Variants in ENOX1 observed in about 807,000 individuals in gnomAD.
ENOX1 encodes the protein candidate growth-related and time keeping constitutive hydroquinone (NADH) oxidase.
A neutral mutation model predicts 82.5 loss-of-function variants in ENOX1; 42 were observed. The ratio of observed to expected loss-of-function variants is 0.51; its 90% confidence interval spans 0.40 to 0.66. The LOEUF is 0.66. Among genes scored for constraint, ENOX1 ranks in the 30% least tolerant of loss-of-function variants. The pLI is 0.00. For synonymous variants in ENOX1, 271 were observed against 282.2 expected (o/e 0.96, Z 0.40); for missense variants, 608 against 811.6 (o/e 0.75, Z 3.05).
chr13:43,520,730 A>G (rs1468507577), intron 2 of ENOX1, among the ~76,000 whole-genome samples: 1 of 152,162 alleles, frequency 6.6e-6, no homozygotes, highest in Non-Finnish European at 1.5e-5. Flanking sequence ...AGAAGACATA[A>G]TTTAAGCACT....
intron 11 of ENOX1, among the ~76,000 whole-genome samples, chr13:43,306,954 T>C (rs1180184360): frequency 6.6e-6 from 1 of 152,272 alleles, no homozygotes; most frequent in Non-Finnish European, 1.5e-5. Context: ...CTCAGTTCTA[T>C]GCATTGCTCT....
intron 9 of ENOX1, among the ~76,000 whole-genome samples, chr13:43,331,675 A>C (rs1431232816): frequency 6.6e-6 from 1 of 152,210 alleles, no homozygotes; most frequent in Non-Finnish European, 1.5e-5. Flanking sequence ...AAGGCTTTAG[A>C]TGTAGTGCTG....
At chr13:43,370,730 A>G (rs2051180954) in intron 5 of ENOX1, among the ~76,000 whole-genome samples, 1 of 152,182 alleles carries the variant, frequency 6.6e-6, no homozygotes, top group Non-Finnish European at 1.5e-5. Context: ...CTCTATAGGT[A>G]ACCACATCTA....
At chr13:43,421,788 AG>A (rs2054991013) in intron 3 of ENOX1, among the ~76,000 whole-genome samples, 1 of 151,830 alleles carries the variant, frequency 6.6e-6, no homozygotes, top group Non-Finnish European at 1.5e-5. Context: ...CATACCCTGC[AG>A]CTAGCAAGCA....
intron 2 of ENOX1, among the ~76,000 whole-genome samples, chr13:43,640,056 T>C (rs146314048): frequency 2.2e-4 from 33 of 152,250 alleles, no homozygotes; most frequent in African/African-American, 7.0e-4. Flanking sequence ...TATTTACCTA[T>C]TGTTCTCTTG....
chr13:43,548,079 A>T (rs902235568), intron 2 of ENOX1: 2 of 152,206 alleles, frequency 1.3e-5, no homozygotes, highest in African/African-American at 4.8e-5. Context: ...TCTTCTTTTG[A>T]GTGTTAGTGA....
intron 10 of ENOX1, among the ~76,000 whole-genome samples, chr13:43,324,459 C>A (rs1452535594): frequency 6.6e-6 from 1 of 152,128 alleles, no homozygotes; most frequent in Non-Finnish European, 1.5e-5. Context: ...AGATAATTAA[C>A]AGATGCTGTA....
At chr13:43,485,928 T>C (rs569051382) in intron 2 of ENOX1, among the ~76,000 whole-genome samples, 3 of 151,988 alleles carry the variant, frequency 2.0e-5, no homozygotes, top group South Asian at 2.1e-4. Flanking sequence ...ATACAAAAAT[T>C]GGCCAGGTGC....
chr13:43,745,256 A>T (rs970309063), intron 1 of ENOX1, among the ~76,000 whole-genome samples: 1 of 152,236 alleles, frequency 6.6e-6, no homozygotes, highest in Non-Finnish European at 1.5e-5. Flanking sequence ...CAACTGAAAT[A>T]TCTACTTAAT....
intron 1 of ENOX1, among the ~76,000 whole-genome samples, chr13:43,757,735 C>T (rs569498936): frequency 1.5e-4 from 23 of 152,214 alleles, no homozygotes; most frequent in African/African-American, 4.6e-4. Flanking sequence ...GGTACAACTG[C>T]GGAAAGCATT....
chr13:43,748,589 A>G (rs1950150274), intron 1 of ENOX1, among the ~76,000 whole-genome samples: 1 of 152,160 alleles, frequency 6.6e-6, no homozygotes, highest in African/African-American at 2.4e-5. Context: ...TTACTACCTG[A>G]CCTTGGGCAA....
chr13:43,696,722 G>A (rs2086657671), intron 1 of ENOX1, among the ~76,000 whole-genome samples: 1 of 151,502 alleles, frequency 6.6e-6, no homozygotes, highest in South Asian at 2.1e-4. Context: ...TTTATCTCAG[G>A]TGCTTAAACT....
At chr13:43,607,234 C>T (rs80108651) in intron 2 of ENOX1, among the ~76,000 whole-genome samples, 1,885 of 151,722 alleles carry the variant, frequency 0.012, 19 homozygotes, top group Non-Finnish European at 0.017. Flanking sequence ...ACACTTGCTA[C>T]GTAACCACAA....
chr13:43,775,824 C>A (rs893263217), intron 1 of ENOX1, among the ~76,000 whole-genome samples: 3 of 152,148 alleles, frequency 2.0e-5, no homozygotes, highest in African/African-American at 7.2e-5. Context: ...CCACTGCCAC[C>A]CCTAAGGAAT....
intron 2 of ENOX1, among the ~76,000 whole-genome samples, chr13:43,611,265 T>C (rs1467778042): frequency 1.3e-5 from 2 of 152,188 alleles, no homozygotes; most frequent in Non-Finnish European, 2.9e-5. Context: ...CATATACCCA[T>C]CAATCCATCT....
chr13:43,578,527 C>G (rs2080548224), intron 2 of ENOX1, among the ~76,000 whole-genome samples: 1 of 151,944 alleles, frequency 6.6e-6, no homozygotes, highest in Non-Finnish European at 1.5e-5. Flanking sequence ...GAAATTTATC[C>G]TCAGTTCATG....
chr13:43,270,296 A>G (rs2044612445), intron 12 of ENOX1, among the ~76,000 whole-genome samples: 1 of 152,192 alleles, frequency 6.6e-6, no homozygotes, highest in Non-Finnish European at 1.5e-5. Context: ...TAATATATAC[A>G]TAGGCTGGAG....
Position 43,359,926 on chromosome 13 carries a change from G to T in ENOX1, c.514C>A (p.Arg172=). The T allele has an allele frequency of 6.2e-7, 1 of 1,614,142 alleles. No homozygotes were observed. Among genetic ancestry groups the T allele is most frequent in the Non-Finnish European group, 8.5e-7 (1 of 1,180,008 alleles). The change falls in exon 7 of 17, where the codon CGG becomes AGG. Residue 172 remains arginine (R), a synonymous_variant. Coordinates refer to ENST00000690772, the MANE Select transcript of ENOX1 (RefSeq NM_001347969.2). ...FEQCGDITAI[R]KSKKNFCHIR... ...TGACAAAAATTCTTCTTGCTTTTCC[G>T]AATTGCTGTAATATCACCGCACTGT...
intron 3 of ENOX1, among the ~76,000 whole-genome samples, chr13:43,441,369 G>T (rs1316613815): frequency 1.3e-5 from 2 of 152,226 alleles, no homozygotes; most frequent in African/African-American, 4.8e-5. Context: ...TACAAGGGCT[G>T]TATGTTTTTA....
Sources: allele counts gnomAD v4.1 joint callset (sites outside exome capture counted in the v4.1 genomes callset), GRCh38; gene constraint gnomAD v4.1.1; transcripts MANE v1.5; gene names NCBI Gene and HGNC (gene_info 2026-07-23, HGNC 2026-07-21).